SEMA3A: variants seen among roughly 807,000 people sequenced by gnomAD.
SEMA3A encodes the protein semaphorin 3A.
SEMA3A carries 29 observed loss-of-function variants against 97.9 expected under a neutral mutation model. The observed-to-expected ratio is 0.30, with a 90% CI of 0.22 to 0.40. SEMA3A has a LOEUF of 0.40. Among genes scored for constraint, SEMA3A ranks in the 10% least tolerant of loss-of-function variants. The pLI is 1.00. For synonymous variants in SEMA3A, 321 were observed against 323.7 expected, an observed-to-expected ratio of 0.99 and a Z score of 0.09; for missense variants, 763 against 951.3, an observed-to-expected ratio of 0.80 and a Z score of 2.60.
chr7:84,129,000 T>C lies in SEMA3A; in HGVS notation c.333+123A>G, dbSNP rs1241182471. On this transcript the variant is annotated intron_variant, in intron 3 of 16. Coordinates refer to ENST00000265362, the MANE Select transcript of SEMA3A (RefSeq NM_006080.3). The stretch of plus-strand genomic sequence containing the variant: ...TCCTAAAGATATCTTATTATATATA[T>C]GAAAAGATTCTAACCCCTTCCCCAC... 6 of 688,036 alleles carry C rather than the reference T, an allele frequency of 8.7e-6. No individual in the cohort carries two copies. The Admixed American group carries it at 1.3e-4, about 15-fold the overall frequency. 42.6% of individuals were successfully genotyped at this position (688,036 alleles called of 1,614,324 possible).
chr7:84,109,232 T>C (rs1777336717), intron 4 of SEMA3A, among the ~76,000 whole-genome samples: 2 of 152,202 alleles, frequency 1.3e-5, no homozygotes, highest in African/African-American at 4.8e-5. Context: ...ATTTAATCAA[T>C]GTAAAACAAG....
At position 84,168,670 on chromosome 7, in the gene SEMA3A, C is replaced by G. The variant is rs185548654; in HGVS notation, c.112+25805G>C. 3.5e-3 allele frequency among the ~76,000 whole-genome samples: 524 copies of G among 151,800 alleles called. 1 individual carries two copies. The highest frequency in any genetic ancestry group is 5.9e-3 in the Non-Finnish European group (401 of 67,760). ...TGCCTATCTAGTTATGAAAATTATA[C>G]TTTATTTTAATCAATTTATGCCATT... On this transcript the variant is annotated intron_variant, in intron 1 of 16. Coordinates refer to ENST00000265362, the MANE Select transcript of SEMA3A (RefSeq NM_006080.3).
chr7:84,484,590 C>T (rs1806529133), intron 1 of SEMA3A, among the ~76,000 whole-genome samples: 1 of 151,788 alleles, frequency 6.6e-6, no homozygotes, highest in African/African-American at 2.4e-5. Flanking sequence ...GTTTTTATCA[C>T]ATTGTAACAC....
intron 4 of SEMA3A, among the ~76,000 whole-genome samples, chr7:84,086,552 A>G (rs1229936068): frequency 3.3e-5 from 2 of 61,232 alleles, no homozygotes; most frequent in African/African-American, 7.1e-5. Flanking sequence ...ATTTACATAT[A>G]ATATATTATT....
At chr7:84,335,777 C>T (rs1163637229) in intron 2 of SEMA3A, among the ~76,000 whole-genome samples, 3 of 151,556 alleles carry the variant, frequency 2.0e-5, no homozygotes, top group Non-Finnish European at 2.9e-5. Context: ...ATAATGTGGG[C>T]TACATATTTA....
intron 4 of SEMA3A, among the ~76,000 whole-genome samples, chr7:84,068,756 A>G (rs937827602): frequency 6.6e-6 from 1 of 152,112 alleles, no homozygotes; most frequent in African/African-American, 2.4e-5. Flanking sequence ...AAGTGCTTCC[A>G]ATTTCATGCA....
chr7:84,201,035 GAATA>G (rs1798342713), intron 3 of SEMA3A, among the ~76,000 whole-genome samples: 2 of 151,790 alleles, frequency 1.3e-5, no homozygotes, highest in Admixed American at 6.6e-5. Flanking sequence ...CATTTTCACT[GAATA>G]AATAAATAAA....
chr7:84,408,101 T>G (rs537530141), intron 1 of SEMA3A, among the ~76,000 whole-genome samples: 19 of 152,186 alleles, frequency 1.2e-4, no homozygotes, highest in African/African-American at 4.3e-4. Context: ...TCAGAGTGAA[T>G]AGGCAACCTA....
At chr7:84,026,485 C>T (rs73185447) in intron 6 of SEMA3A, among the ~76,000 whole-genome samples, 7,085 of 152,226 alleles carry the variant, frequency 0.047, 281 homozygotes, top group East Asian at 0.19. Flanking sequence ...CCCAGTGAAC[C>T]CATTACTAGG....
intron 2 of SEMA3A, among the ~76,000 whole-genome samples, chr7:84,315,748 T>A (rs1801478652): frequency 6.6e-6 from 1 of 152,100 alleles, no homozygotes; most frequent in South Asian, 2.1e-4. Flanking sequence ...AAAACTTATT[T>A]CAATTACATT....
In SEMA3A at chr7:84,313,382, A is replaced by ACG. The variant is rs1801407863; in HGVS notation, c.-168-6091_-168-6090insCG. ...TATATATATATATATATATATATAT[A>ACG]TATATATATATATATATATATATAA... On this transcript the variant is annotated intron_variant, in intron 2 of 3. Transcript: ENST00000424555. Among the ~76,000 whole-genome samples, 4 of 82,264 alleles carry ACG rather than the reference A, an allele frequency of 4.9e-5. 1 individual carries two copies. The highest frequency in any genetic ancestry group is 1.8e-4 in the African/African-American group (4 of 22,604). The allele number at this position is 82,264 out of a possible 152,430, so 54.0% of individuals were successfully genotyped here.
Position 84,451,867 on chromosome 7 carries a change from C to G in SEMA3A, c.-246+40593G>C, listed in dbSNP as rs542814471. Among the ~76,000 whole-genome samples the G allele has an allele frequency of 2.0e-5, 3 of 152,218 alleles. No individual in the cohort carries two copies. The East Asian group carries it at 5.8e-4, about 29-fold the overall frequency. ...TAAGTTAGTTTGATGAAGTTGGAAT[C>G]CAGTATTTTTGTTTTTAACTCTGTA... On this transcript the variant is annotated intron_variant, in intron 1 of 3. Coordinates refer to the SEMA3A transcript ENST00000424555.
chr7:84,452,740 G>A (rs889381932), intron 1 of SEMA3A, among the ~76,000 whole-genome samples: 1 of 152,132 alleles, frequency 6.6e-6, no homozygotes, highest in African/African-American at 2.4e-5. Flanking sequence ...GACTGCACAC[G>A]GCAACAACAA....
chr7:84,095,983 T>C (rs774356734), intron 4 of SEMA3A, among the ~76,000 whole-genome samples: 1 of 152,090 alleles, frequency 6.6e-6, no homozygotes, highest in African/African-American at 2.4e-5. Flanking sequence ...ATATAGTTTA[T>C]AATCAGACAA....
intron 3 of SEMA3A, among the ~76,000 whole-genome samples, chr7:84,299,295 C>CATATATATATCTCCATAT (rs1236687503): frequency 2.2e-5 from 2 of 89,860 alleles, no homozygotes; most frequent in African/African-American, 4.2e-5. Context: ...TATCTATCTC[C>CATATATATATCTCCATAT]ATATATATAT....
rs138163888 is a variant in SEMA3A, at chr7:84,145,683, A to G, written c.113-10732T>C. ...TTACATACAATAATCACATGAATAA[A>G]TTTCTTGAGAGTTCTGTTTTGCCAG... On this transcript the variant is annotated intron_variant, in intron 1 of 16. Transcript: ENST00000265362. Among the ~76,000 whole-genome samples, 358 of 152,296 alleles carry G rather than the reference A, an allele frequency of 2.4e-3. 5 individuals are homozygous for G. In the East Asian group the frequency reaches 0.043, roughly 18 times the overall value.
chr7:84,294,298 T>G (rs1006911182), intron 3 of SEMA3A, among the ~76,000 whole-genome samples: 4 of 152,054 alleles, frequency 2.6e-5, no homozygotes, highest in Non-Finnish European at 5.9e-5. Context: ...GCTTCCCCAC[T>G]TTTAATTTTC....
In SEMA3A at chr7:84,011,197, T is replaced by G. The variant is rs934303320; in HGVS notation, c.911A>C (p.His304Pro). 5 of 1,613,212 alleles carry G rather than the reference T, an allele frequency of 3.1e-6. No homozygotes were observed. The highest frequency in any genetic ancestry group is 1.3e-5 in the African/African-American group (1 of 74,908). Residue 304 changes from histidine (H) to proline (P), a missense_variant, in exon 8 of 17, where the codon CAT (histidine) becomes CCT (proline). This residue lies in a region of SEMA3A where 678 missense variants were observed against 881.3 expected (regional missense o/e 0.77). Coordinates refer to ENST00000265362, the MANE Select transcript of SEMA3A (RefSeq NM_006080.3). ...SVPGPNGIDT[H>P]FDELQDVFLM... is the part of the protein sequence containing the mutation. ...TAGCTTCTTACGCAGTTCATCAAAATGAGTGTCAATGCCATTTGGACCTGG... is the reference window on the plus strand; with the variant it reads ...TAGCTTCTTACGCAGTTCATCAAAAGGAGTGTCAATGCCATTTGGACCTGG...
At chr7:84,334,013 T>C (rs921249403) in intron 2 of SEMA3A, among the ~76,000 whole-genome samples, 2 of 152,148 alleles carry the variant, frequency 1.3e-5, no homozygotes, top group African/African-American at 2.4e-5. Context: ...TAATAGTATA[T>C]ATCCATGTTT....
Sources: gnomAD v4.1 joint callset for allele counts (sites outside exome capture counted in the v4.1 genomes callset) on GRCh38, gnomAD v4.1.1 for gene constraint, gnomAD v4.1.1 regional missense constraint, MANE v1.5 for transcripts, NCBI Gene and HGNC (gene_info 2026-07-23, HGNC 2026-07-21) for gene names.